The following AMMECR1L variants were observed in gnomAD, a reference collection of about 807,000 sequenced individuals.
The protein encoded by AMMECR1L is AMMECR1-like protein.
AMMECR1L carries 4 observed loss-of-function variants against 36.8 expected under a neutral mutation model. The observed-to-expected ratio is 0.11, with a 90% CI of 0.05 to 0.25. AMMECR1L has a LOEUF of 0.25. AMMECR1L is among the 10% of genes least tolerant of loss of function. AMMECR1L has a pLI of 1.00. For missense variants in AMMECR1L, 232 were observed against 392.1 expected, an observed-to-expected ratio of 0.59 and a Z score of 3.45; for synonymous variants, 147 against 148.0, an observed-to-expected ratio of 0.99 and a Z score of 0.05.
intron 2 of AMMECR1L, among the ~76,000 whole-genome samples, chr2:127,877,036 C>CATAT (rs10568778): frequency 0.022 from 3,189 of 142,150 alleles, 33 homozygotes; most frequent in Middle Eastern, 0.05. Flanking sequence ...TATATATATA[C>CATAT]ATATATATAT....
intron 7 of AMMECR1L, 47 bp downstream of exon 7, chr2:127,866,853 A>C (rs1299614450): frequency 6.5e-7 from 1 of 1,549,832 alleles, no homozygotes; most frequent in East Asian, 2.2e-5. Context: ...TCCTCCATTC[A>C]ACCCCAACTA....
In AMMECR1L at chr2:127,871,500, T is replaced by C; in HGVS notation, c.408-141A>G. ...GACTTGCCAGCTACCCGAAGGACTC[T>C]CTGCCTTTCTGAAAACGGCACAGCC... On this transcript the variant is annotated intron_variant, in intron 3 of 7. Transcript: ENST00000272647. This position sits in a 1 kb window ranked among gnomAD's most constrained non-coding sequence, Gnocchi z 4.3. 1.3e-6 allele frequency: 1 copy of C among 787,428 alleles called. No homozygotes were observed. 48.8% of individuals were successfully genotyped at this position (787,428 alleles called of 1,614,324 possible). A position where few individuals can be genotyped will look rare whatever the true frequency, so the allele number is the denominator to read the frequency against.
intron 1 of AMMECR1L, 41 bp downstream of exon 1, chr2:127,885,769 G>A (rs963066433): frequency 2.0e-6 from 2 of 984,542 alleles, no homozygotes; most frequent in African/African-American, 1.7e-5. Context: ...GGCCTGGCCC[G>A]GCAGCGGGGA....
Position 127,873,703 on chromosome 2 carries a change from C to A in AMMECR1L, c.407+125G>T. On this transcript the variant is annotated intron_variant, in intron 3 of 7. Transcript: ENST00000272647. This position sits in a 1 kb window ranked among gnomAD's most constrained non-coding sequence, Gnocchi z 5.2. ...TATTCTCTGGACATTTCTTATCATT[C>A]TCTTCCCATTACCCTTTCCTCAAAT... The A allele has an allele frequency of 6.4e-7, 1 of 1,564,752 alleles. No individual in the cohort carries two copies. The highest frequency in any genetic ancestry group is 2.2e-5 in the East Asian group (1 of 44,614).
rs1690869181 is a variant in AMMECR1L at position 127,869,663 on chromosome 2, CCTT to C, written c.634-122_634-120del. The C allele has an allele frequency of 3.7e-6, 3 of 810,022 alleles. No homozygotes were observed. Among genetic ancestry groups the C allele is most frequent in the African/African-American group, 1.7e-5 (1 of 58,076 alleles). 50.2% of individuals were successfully genotyped at this position (810,022 alleles called of 1,614,324 possible). ...TTAACACAGGCCTGGAAAAGGGAGA[CCTT>C]CTCGCATTTCATGACTAATTCTATC... On this transcript the variant is annotated intron_variant, in intron 5 of 7. Coordinates refer to ENST00000272647, the MANE Select transcript of AMMECR1L (RefSeq NM_001199140.2). The surrounding 1 kb of genome is among the most constrained non-coding windows in gnomAD (Gnocchi z 4.7).
At chr2:127,877,462 A>C (rs1691300660) in intron 2 of AMMECR1L, among the ~76,000 whole-genome samples, 1 of 151,734 alleles carries the variant, frequency 6.6e-6, no homozygotes, top group Admixed American at 6.6e-5. Context: ...TGGCCTCCTG[A>C]GTGGCTGGGA....
intron 2 of AMMECR1L, among the ~76,000 whole-genome samples, chr2:127,880,842 T>A (rs1691467026): frequency 6.6e-6 from 1 of 152,034 alleles, no homozygotes; most frequent in Non-Finnish European, 1.5e-5. Flanking sequence ...TCTAATAATT[T>A]AAGTTTGCCT....
chr2:127,873,343 G>C lies in AMMECR1L; in HGVS notation c.407+485C>G. On this transcript the variant is annotated intron_variant, in intron 3 of 7. Transcript: ENST00000272647. The surrounding 1 kb of genome is among the most constrained non-coding windows in gnomAD (Gnocchi z 5.2). ...ATTCTGACTTCTTGATGGGATGTGA[G>C]TGGCCCTACAGGTTTACCAAGGGAT... The C allele has an allele frequency of 6.1e-6, 6 of 985,452 alleles. No individual in the cohort carries two copies. The highest frequency in any genetic ancestry group is 7.2e-6 in the Non-Finnish European group (6 of 829,932). The allele number at this position is 985,452 out of a possible 1,614,324, so 61.0% of individuals were successfully genotyped here.
chr2:127,872,489 A>G (rs772754652), intron 3 of AMMECR1L, among the ~76,000 whole-genome samples: 3 of 152,074 alleles, frequency 2.0e-5, no homozygotes, highest in Admixed American at 1.3e-4. Context: ...ATCCCTCCAC[A>G]CTCTAATGTC....
intron 1 of AMMECR1L, 128 bp downstream of exon 1, chr2:127,885,682 G>A (rs1000875687): frequency 2.5e-5 from 25 of 983,180 alleles, no homozygotes; most frequent in Middle Eastern, 5.2e-4. Context: ...CCCCAGGACC[G>A]CGGGGTCTCT....
intron 2 of AMMECR1L, among the ~76,000 whole-genome samples, chr2:127,878,242 C>T (rs896080772): frequency 7.2e-5 from 11 of 152,052 alleles, no homozygotes; most frequent in Non-Finnish European, 1.2e-4. Flanking sequence ...TTTGAATCCA[C>T]GATGGGTGTC....
At position 127,862,733 on chromosome 2, in the gene AMMECR1L, CACT is replaced by C; in HGVS notation, c.*2358_*2360del. On this transcript the variant is annotated 3_prime_UTR_variant, in exon 8 of 8. Coordinates refer to ENST00000272647, the MANE Select transcript of AMMECR1L (RefSeq NM_001199140.2). ...AGTAAGGCTTCTTCACTCCAAAAAC[CACT>C]GAGCCCACTTCAGTGTGGTGCTGGG... The C allele has an allele frequency of 6.5e-6, 1 of 152,716 alleles. No homozygotes were observed. Among genetic ancestry groups the C allele is most frequent in the African/African-American group, 2.4e-5 (1 of 41,558 alleles). The allele number at this position is 152,716 out of a possible 1,614,324, so 9.5% of individuals were successfully genotyped here. A position where few individuals can be genotyped will look rare whatever the true frequency, so the allele number is the denominator to read the frequency against.
intron 2 of AMMECR1L, among the ~76,000 whole-genome samples, chr2:127,881,730 A>C (rs1477010731): frequency 6.6e-6 from 1 of 152,228 alleles, no homozygotes; most frequent in Non-Finnish European, 1.5e-5. Flanking sequence ...GGTTATAAAA[A>C]TAACACAGCT....
intron 3 of AMMECR1L, among the ~76,000 whole-genome samples, chr2:127,872,009 C>T (rs1044387263): frequency 5.9e-5 from 9 of 151,774 alleles, no homozygotes; most frequent in South Asian, 2.1e-4. Flanking sequence ...GTCATCATGG[C>T]GAAACCCCGC....
chr2:127,875,461 T>C (rs1360033643), intron 2 of AMMECR1L, among the ~76,000 whole-genome samples: 3 of 152,188 alleles, frequency 2.0e-5, no homozygotes, highest in Non-Finnish European at 4.4e-5. Context: ...TTTGGACATG[T>C]CATATAATTA....
chr2:127,883,876 A>C (rs1336975808), intron 2 of AMMECR1L, among the ~76,000 whole-genome samples: 2 of 152,192 alleles, frequency 1.3e-5, no homozygotes, highest in Non-Finnish European at 2.9e-5. Context: ...ATTACCCTAA[A>C]ACTTAAGACA....
chr2:127,863,148 G>A lies in AMMECR1L; in HGVS notation c.*1946C>T, dbSNP rs1184533829. ...ATCAATACTGTTGTACAAATTGGAG[G>A]TGGGTGGCTTAGTCCAGAGCTGACC... On this transcript the variant is annotated 3_prime_UTR_variant, in exon 8 of 8. Transcript: ENST00000272647. The A allele has an allele frequency of 2.0e-5, 3 of 152,596 alleles. No individual in the cohort carries two copies. The highest frequency in any genetic ancestry group is 2.1e-4 in the South Asian group (1 of 4,834). 9.5% of individuals were successfully genotyped at this position (152,596 alleles called of 1,614,324 possible).
chr2:127,872,938 C>T, intron 3 of AMMECR1L: 1 of 952,510 alleles, frequency 1.0e-6, no homozygotes, highest in Non-Finnish European at 1.2e-6. Context: ...CTGACACACT[C>T]ACAGAGAACA....
In AMMECR1L at chr2:127,871,150, G is replaced by C; in HGVS notation, c.518+99C>G. ...CCTTACATTTCCTGATTACCAAAAAGAGAAAGCTCAACGTACATCACTTAG... is the reference window on the plus strand; with the variant it reads ...CCTTACATTTCCTGATTACCAAAAACAGAAAGCTCAACGTACATCACTTAG... On this transcript the variant is annotated intron_variant, in intron 4 of 7. Transcript: ENST00000272647. This position sits in a 1 kb window ranked among gnomAD's most constrained non-coding sequence, Gnocchi z 4.3. 2.3e-6 allele frequency: 3 copies of C among 1,332,352 alleles called. No individual in the cohort carries two copies. In the South Asian group the frequency reaches 3.9e-5, roughly 17 times the overall value. 82.5% of individuals were successfully genotyped at this position (1,332,352 alleles called of 1,614,324 possible).
Sources: gnomAD v4.1 joint callset for allele counts (sites outside exome capture counted in the v4.1 genomes callset) on GRCh38, gnomAD v4.1.1 for gene constraint, Gnocchi (gnomAD v3.1) non-coding constraint, MANE v1.5 for transcripts, NCBI Gene and HGNC (gene_info 2026-07-23, HGNC 2026-07-21) for gene names.